The following PCDHGC4 variants were observed in gnomAD, a reference collection of about 807,000 sequenced individuals.
The protein encoded by PCDHGC4 is protocadherin gamma subfamily C, 4, also known as protocadherin gamma-C4.
In PCDHGC4, 15 loss-of-function variants were observed where a neutral mutation model predicts 59.7. The observed-to-expected ratio is 0.25, with a 90% CI of 0.17 to 0.39. The LOEUF (loss-of-function observed/expected upper bound fraction) is 0.39. Ranked by LOEUF, PCDHGC4 falls within the 10% of genes least tolerant of loss-of-function variation. PCDHGC4 has a pLI of 1.00. For synonymous variants in PCDHGC4, 434 were observed against 481.4 expected (o/e 0.90, Z 1.29); for missense variants, 1,016 against 1,189.5 (o/e 0.85, Z 2.15).
intron 2 of PCDHGC4, among the ~76,000 whole-genome samples, chr5:141,504,960 T>C (rs9324851): frequency 0.59 from 89,328 of 151,916 alleles, 27,885 homozygotes; most frequent in African/African-American, 0.8. Context: ...TTCAATGCAT[T>C]GGACCAGCCT....
chr5:141,502,578 T>C (rs2099815145), intron 2 of PCDHGC4, among the ~76,000 whole-genome samples: 1 of 152,198 alleles, frequency 6.6e-6, no homozygotes, highest in African/African-American at 2.4e-5. Context: ...TATAAAAATA[T>C]ATTTTTATAA....
chr5:141,492,911 G>A (rs1008138353), intron 1 of PCDHGC4, among the ~76,000 whole-genome samples: 1 of 152,216 alleles, frequency 6.6e-6, no homozygotes, highest in Admixed American at 6.5e-5. Context: ...TGATCACAAT[G>A]TGCCCAGCGA....
In PCDHGC4 at chr5:141,511,402, A is replaced by C; in HGVS notation, c.*229A>C. On this transcript the variant is annotated 3_prime_UTR_variant, in exon 4 of 4. Transcript: ENST00000306593. Reference sequence around the variant, plus strand: ...TTCCGCTGGGAACCCCCATCCAATCAACTGCTGTACCCATGGGGGTAGTGG... The same window carrying C: ...TTCCGCTGGGAACCCCCATCCAATCCACTGCTGTACCCATGGGGGTAGTGG... The C allele has an allele frequency of 1.0e-6, 1 of 969,684 alleles. No individual in the cohort carries two copies. 60.1% of individuals were successfully genotyped at this position (969,684 alleles called of 1,614,324 possible).
At chr5:141,495,400 C>T (rs554849650) in intron 2 of PCDHGC4, among the ~76,000 whole-genome samples, 4 of 152,278 alleles carry the variant, frequency 2.6e-5, no homozygotes, top group Non-Finnish European at 1.5e-5. Flanking sequence ...ATGGAGCAGG[C>T]CCCCTTCTCC....
chr5:141,487,643 C>T lies in PCDHGC4; in HGVS notation c.2442+28C>T. 1.2e-6 allele frequency: 2 copies of T among 1,614,104 alleles called. No homozygotes were observed. The highest frequency in any genetic ancestry group is 1.7e-6 in the Non-Finnish European group (2 of 1,179,986). Reference sequence around the variant, plus strand: ...GAGACCTTTGCAGGCTCAACAAATGCTTGAGGGTTATTCTGATCCAGGCAT... The same window carrying T: ...GAGACCTTTGCAGGCTCAACAAATGTTTGAGGGTTATTCTGATCCAGGCAT... On this transcript the variant is annotated intron_variant, in intron 1 of 3. Transcript: ENST00000306593. The surrounding 1 kb of genome is among the most constrained non-coding windows in gnomAD (Gnocchi z 5.0).
chr5:141,490,454 C>T lies in PCDHGC4; in HGVS notation c.2442+2839C>T. The T allele has an allele frequency of 3.1e-6, 5 of 1,614,176 alleles. No homozygotes were observed. The highest frequency in any genetic ancestry group is 4.2e-6 in the Non-Finnish European group (5 of 1,180,020). On this transcript the variant is annotated intron_variant, in intron 1 of 3. Transcript: ENST00000306593. The surrounding 1 kb of genome is among the most constrained non-coding windows in gnomAD (Gnocchi z 5.4). The stretch of plus-strand genomic sequence containing the variant: ...ATTAAGCCTTCTGAGAACCACTACT[C>T]GCTGCTAACCAGCCAGCCTTTGGAC...
chr5:141,493,140 C>T lies in PCDHGC4; in HGVS notation c.2443-1667C>T, dbSNP rs2099746336. Among the ~76,000 whole-genome samples, 1 of 146,374 alleles carries T rather than the reference C, an allele frequency of 6.8e-6. No homozygotes were observed. Among genetic ancestry groups the T allele is most frequent in the African/African-American group, 2.5e-5 (1 of 40,746 alleles). ...GCTCCTAGGACTGTATTTTGAAACACCCCCAGGTGATTTTGATAGCTGATT... is the reference window on the plus strand; with the variant it reads ...GCTCCTAGGACTGTATTTTGAAACATCCCCAGGTGATTTTGATAGCTGATT... On this transcript the variant is annotated intron_variant, in intron 1 of 3. Transcript: ENST00000306593. This position sits in a 1 kb window ranked among gnomAD's most constrained non-coding sequence, Gnocchi z 4.3.
rs573088236 is a variant in PCDHGC4, at chr5:141,489,279, G to A, written c.2442+1664G>A. On this transcript the variant is annotated intron_variant, in intron 1 of 3. Coordinates refer to ENST00000306593, the MANE Select transcript of PCDHGC4 (RefSeq NM_018928.3). This position sits in a 1 kb window ranked among gnomAD's most constrained non-coding sequence, Gnocchi z 4.5. Reference sequence around the variant, plus strand: ...CACTCCCACAGCTCGCTGGGAAATGGCAAGTGCTGTGCATGTTGTCCTTGT... The same window carrying A: ...CACTCCCACAGCTCGCTGGGAAATGACAAGTGCTGTGCATGTTGTCCTTGT... The A allele has an allele frequency of 6.4e-7, 1 of 1,562,030 alleles. No individual in the cohort carries two copies. Among genetic ancestry groups the A allele is most frequent in the East Asian group, 2.2e-5 (1 of 44,522 alleles).
chr5:141,485,726 C>G lies in PCDHGC4; in HGVS notation c.553C>G (p.Arg185Gly). The change falls in exon 1 of 4, where the codon CGC (arginine) becomes GGC (glycine). Residue 185 changes from arginine (R) to glycine (G), a missense_variant. By Grantham distance (125) the Arg-to-Gly change is moderately radical (BLOSUM62 -2). Transcript: ENST00000306593. The surrounding 1 kb of genome is among the most constrained non-coding windows in gnomAD (Gnocchi z 5.7). ...ACACTTTGCACTGGATGTGAAGAAG[C>G]GCAGCGACGGCAGCCTGGTCCCAGA... ...NEHFALDVKK[R>G]SDGSLVPELL... 2 of 1,614,140 alleles carry G rather than the reference C, an allele frequency of 1.2e-6. No individual in the cohort carries two copies. The highest frequency in any genetic ancestry group is 1.1e-5 in the South Asian group (1 of 91,082).
Position 141,489,557 on chromosome 5 carries a change from T to C in PCDHGC4, c.2442+1942T>C, listed in dbSNP as rs150797955. 54 of 1,613,956 alleles carry C rather than the reference T, an allele frequency of 3.3e-5. 1 individual carries two copies. Among genetic ancestry groups the C allele is most frequent in the Non-Finnish European group, 4.3e-5 (51 of 1,180,004 alleles). On this transcript the variant is annotated intron_variant, in intron 1 of 3. Coordinates refer to ENST00000306593, the MANE Select transcript of PCDHGC4 (RefSeq NM_018928.3). The surrounding 1 kb of genome is among the most constrained non-coding windows in gnomAD (Gnocchi z 4.5). ...GCCAGCACCAGCTGCCTGCTGCCAG[T>C]GCAGGTGGTGACTGAACACCCCCTG...
Position 141,487,522 on chromosome 5 carries a change from T to G in PCDHGC4, c.2349T>G (p.Asp783Glu), listed in dbSNP as rs764726787. ...TPLASAPTRS[D>E]SFMMVKSPSA... Reference sequence around the variant, plus strand: ...TGGCTTCTGCACCCACTCGGAGTGATAGCTTCATGATGGTGAAGTCACCCA... The same window carrying G: ...TGGCTTCTGCACCCACTCGGAGTGAGAGCTTCATGATGGTGAAGTCACCCA... The change falls in exon 1 of 4, where the codon GAT (aspartate) becomes GAG (glutamate). Residue 783 changes from aspartate (D) to glutamate (E), a missense_variant. By Grantham distance (45) the Asp-to-Glu change is conservative (BLOSUM62 2). Transcript: ENST00000306593. This position sits in a 1 kb window ranked among gnomAD's most constrained non-coding sequence, Gnocchi z 5.0. The G allele has an allele frequency of 6.2e-7, 1 of 1,614,166 alleles. No individual in the cohort carries two copies. The highest frequency in any genetic ancestry group is 8.5e-7 in the Non-Finnish European group (1 of 1,180,022).
chr5:141,488,175 T>C (rs889217562), intron 1 of PCDHGC4, among the ~76,000 whole-genome samples: 1 of 152,168 alleles, frequency 6.6e-6, no homozygotes, highest in Non-Finnish European at 1.5e-5. Context: ...AGTGGTGGCA[T>C]AGATCTTTTG....
In PCDHGC4 at chr5:141,501,176, T is replaced by C. The variant is rs917315609; in HGVS notation, c.2502-4217T>C. ...GCCACCATCCCCAGCCTCATTTACA[T>C]TTTAACACAATTAAATTCAGGGTGT... On this transcript the variant is annotated intron_variant, in intron 2 of 3. Coordinates refer to ENST00000306593, the MANE Select transcript of PCDHGC4 (RefSeq NM_018928.3). Among the ~76,000 whole-genome samples, 16 of 152,244 alleles carry C rather than the reference T, an allele frequency of 1.1e-4. No homozygotes were observed. In the South Asian group the frequency reaches 3.3e-3, roughly 32 times the overall value.
At position 141,486,609 on chromosome 5, in the gene PCDHGC4, C is replaced by T; in HGVS notation, c.1436C>T (p.Ala479Val). The T allele has an allele frequency of 6.2e-7, 1 of 1,613,568 alleles. No homozygotes were observed. Reference protein sequence around the residue: ...RPGDLLCSLAASDPDSGLNAL... With the variant: ...RPGDLLCSLAVSDPDSGLNAL... ...GGGGACCTGCTTTGCTCCCTTGCAG[C>T]CTCTGACCCAGACTCTGGCTTGAAT... Residue 479 changes from alanine to valine, a missense_variant, in exon 1 of 4, where the codon GCC becomes GTC. Transcript: ENST00000306593. The surrounding 1 kb of genome is among the most constrained non-coding windows in gnomAD (Gnocchi z 5.0).
chr5:141,494,746 C>A lies in PCDHGC4; in HGVS notation c.2443-61C>A. 3 of 1,613,088 alleles carry A rather than the reference C, an allele frequency of 1.9e-6. No individual in the cohort carries two copies. The South Asian group carries it at 3.3e-5, about 18-fold the overall frequency. On this transcript the variant is annotated intron_variant, in intron 1 of 3. Coordinates refer to ENST00000306593, the MANE Select transcript of PCDHGC4 (RefSeq NM_018928.3). ...TTCTCTCCCGGCCCATCCCTAGGGG[C>A]TCGGGTGACATTCTAACTTCTCACG...
At chr5:141,506,444 C>CAAA (rs1219684339) in intron 3 of PCDHGC4, among the ~76,000 whole-genome samples, 2 of 95,018 alleles carry the variant, frequency 2.1e-5, no homozygotes, top group African/African-American at 7.9e-5. Context: ...CGCTCTGTCT[C>CAAA]AAAAAAAAAA....
At position 141,490,688 on chromosome 5, in the gene PCDHGC4, C is replaced by A; in HGVS notation, c.2442+3073C>A. ...ACTGTGGCTGCCTCAGATCCAGACA[C>A]TGGGGATAATGCCCGCCTCACCTAC... On this transcript the variant is annotated intron_variant, in intron 1 of 3. Coordinates refer to ENST00000306593, the MANE Select transcript of PCDHGC4 (RefSeq NM_018928.3). The surrounding 1 kb of genome is among the most constrained non-coding windows in gnomAD (Gnocchi z 5.4). The A allele has an allele frequency of 6.2e-7, 1 of 1,614,218 alleles. No individual in the cohort carries two copies. The highest frequency in any genetic ancestry group is 8.5e-7 in the Non-Finnish European group (1 of 1,180,032).
In PCDHGC4 at chr5:141,486,157, A is replaced by C. The variant is rs1562110580; in HGVS notation, c.984A>C (p.Pro328=). Residue 328 remains proline (P), a synonymous_variant, in exon 1 of 4, where the codon CCA becomes CCC. Transcript: ENST00000306593. This position sits in a 1 kb window ranked among gnomAD's most constrained non-coding sequence, Gnocchi z 5.0. ...FDVRARDGGS[P]AMEQHCSLRV... ...TGCGGGCTCGCGATGGGGGTTCTCC[A>C]GCCATGGAGCAACATTGCAGCCTTC... 10 of 1,614,208 alleles carry C rather than the reference A, an allele frequency of 6.2e-6. No individual in the cohort carries two copies. The highest frequency in any genetic ancestry group is 8.5e-6 in the Non-Finnish European group (10 of 1,180,028).
rs2099695548 is a variant in PCDHGC4, at chr5:141,490,059, C to T, written c.2442+2444C>T. On this transcript the variant is annotated intron_variant, in intron 1 of 3. Coordinates refer to ENST00000306593, the MANE Select transcript of PCDHGC4 (RefSeq NM_018928.3). The surrounding 1 kb of genome is among the most constrained non-coding windows in gnomAD (Gnocchi z 5.4). ...ATGCCACTGATCCAGACGAGGGCAC[C>T]AACGGCCAACTAGACTATTCTTTTG... 1.2e-6 allele frequency: 2 copies of T among 1,614,242 alleles called. No individual in the cohort carries two copies. The highest frequency in any genetic ancestry group is 1.7e-6 in the Non-Finnish European group (2 of 1,180,030).
Sources: allele counts gnomAD v4.1 joint callset (sites outside exome capture counted in the v4.1 genomes callset), GRCh38; gene constraint gnomAD v4.1.1; non-coding constraint Gnocchi (gnomAD v3.1); transcripts MANE v1.5; gene names NCBI Gene and HGNC (gene_info 2026-07-23, HGNC 2026-07-21).